The following ERGIC1 variants were observed in gnomAD, a reference collection of about 807,000 sequenced individuals.
ERGIC1 encodes endoplasmic reticulum-golgi intermediate compartment 1, also known as endoplasmic reticulum-Golgi intermediate compartment protein 1.
A neutral mutation model predicts 38.3 loss-of-function variants in ERGIC1; 19 were observed. The observed-to-expected ratio is 0.50, with a 90% CI of 0.35 to 0.73. The LOEUF is 0.73. Among genes scored for constraint, ERGIC1 ranks in the 30% least tolerant of loss-of-function variants. ERGIC1 has a pLI of 0.01. For synonymous variants in ERGIC1, 124 were observed against 157.6 expected, an observed-to-expected ratio of 0.79 and a Z score of 1.60; for missense variants, 294 against 389.2, an observed-to-expected ratio of 0.76 and a Z score of 2.06.
At chr5:172,919,364 T>C (rs981542774) in intron 5 of ERGIC1, among the ~76,000 whole-genome samples, 4 of 152,178 alleles carry the variant, frequency 2.6e-5, no homozygotes, top group Admixed American at 2.6e-4. Context: ...AAAAAATATA[T>C]GTACCCCAGA....
At chr5:172,874,587 A>C (rs1380992608) in intron 1 of ERGIC1, among the ~76,000 whole-genome samples, 1 of 152,150 alleles carries the variant, frequency 6.6e-6, no homozygotes. Context: ...CAGTGAGCAG[A>C]TACACATAAC....
At chr5:172,923,951 T>G in intron 5 of ERGIC1, 54 bp from the exon 6 acceptor site, 1 of 1,525,694 alleles carries the variant, frequency 6.6e-7, no homozygotes, top group South Asian at 1.1e-5. Context: ...GGCCCCAATG[T>G]TCCGCCCCCT....
intron 2 of ERGIC1, among the ~76,000 whole-genome samples, chr5:172,893,896 T>TACACACAC (rs750015522): frequency 0.037 from 1,488 of 40,358 alleles, 75 homozygotes; most frequent in Non-Finnish European, 0.058. Context: ...TATATATATA[T>TACACACAC]ATATATATAT....
At chr5:172,906,562 C>G (rs1763031170) in intron 3 of ERGIC1, among the ~76,000 whole-genome samples, 1 of 152,146 alleles carries the variant, frequency 6.6e-6, no homozygotes, top group Non-Finnish European at 1.5e-5. Flanking sequence ...TTGTGAACAG[C>G]ATCACACCGG....
At chr5:172,888,250 A>C (rs965144353) in intron 1 of ERGIC1, among the ~76,000 whole-genome samples, 3 of 152,122 alleles carry the variant, frequency 2.0e-5, no homozygotes, top group African/African-American at 7.2e-5. Flanking sequence ...GGTTGAGCTT[A>C]GGAGTTCGAG....
chr5:172,873,457 C>T lies in ERGIC1; in HGVS notation c.21-15242C>T, dbSNP rs376878096. ...CCTCTCCAGCCTTGCCCAGCCAGGG[C>T]CTCCAGGTGACACAGCACCACAGTT... On this transcript the variant is annotated intron_variant, in intron 1 of 9. Coordinates refer to ENST00000393784, the MANE Select transcript of ERGIC1 (RefSeq NM_001031711.3). 3.3e-5 allele frequency among the ~76,000 whole-genome samples: 5 copies of T among 152,234 alleles called. No homozygotes were observed. The East Asian group carries it at 5.8e-4, about 18-fold the overall frequency.
chr5:172,939,053 A>C, intron 9 of ERGIC1, among the ~76,000 whole-genome samples: 1 of 151,130 alleles, frequency 6.6e-6, no homozygotes, highest in Non-Finnish European at 1.5e-5. Context: ...ATAGAGTGAG[A>C]CTCCATCTCA....
intron 3 of ERGIC1, among the ~76,000 whole-genome samples, chr5:172,903,119 C>T (rs554975215): frequency 3.3e-5 from 5 of 152,276 alleles, no homozygotes; most frequent in East Asian, 3.9e-4. Flanking sequence ...GCTCCACCAG[C>T]GCGTGCCTTC....
intron 7 of ERGIC1, among the ~76,000 whole-genome samples, chr5:172,928,678 GATCGATGATAA>G (rs1763709461): frequency 1.6e-5 from 1 of 60,786 alleles, no homozygotes; most frequent in African/African-American, 6.3e-5. Context: ...GTAGGTATAT[GATCGATGATAA>G]GAGGCCTGGA....
At chr5:172,938,744 C>G (rs1298867736) in intron 9 of ERGIC1, among the ~76,000 whole-genome samples, 1 of 136,388 alleles carries the variant, frequency 7.3e-6, no homozygotes, top group Non-Finnish European at 1.5e-5. Flanking sequence ...CAGAGCGAGA[C>G]TCTATCTCAA....
At chr5:172,894,889 T>G (rs1403284479) in intron 2 of ERGIC1, among the ~76,000 whole-genome samples, 1 of 152,262 alleles carries the variant, frequency 6.6e-6, no homozygotes, top group East Asian at 1.9e-4. Context: ...CTGTTTGTTT[T>G]GAAGACAGAT....
At chr5:172,887,573 C>G (rs1255250586) in intron 1 of ERGIC1, among the ~76,000 whole-genome samples, 2 of 152,164 alleles carry the variant, frequency 1.3e-5, no homozygotes, top group Non-Finnish European at 2.9e-5. Context: ...AGATTTGAAC[C>G]AGGGTAGTCT....
chr5:172,949,965 C>T (rs891321955), intron 9 of ERGIC1, among the ~76,000 whole-genome samples: 6 of 152,054 alleles, frequency 3.9e-5, no homozygotes, highest in Admixed American at 2.0e-4. Flanking sequence ...CCCAGCTACT[C>T]GGGAGGCTGA....
chr5:172,909,673 C>T lies in ERGIC1; in HGVS notation c.162C>T (p.Asn54=), dbSNP rs142243008. 9.9e-6 allele frequency: 16 copies of T among 1,614,128 alleles called. No homozygotes were observed. The highest frequency in any genetic ancestry group is 5.0e-5 in the Admixed American group (3 of 60,028). Residue 54 remains asparagine (N), a synonymous_variant, in exon 4 of 10, where the codon AAC becomes AAT. Coordinates refer to ENST00000393784, the MANE Select transcript of ERGIC1 (RefSeq NM_001031711.3). ...LTGFITTEVV[N]ELYVDDPDKD... ...ATACTTGTCTTTCCCCTAGTGTGAA[C>T]GAGCTCTATGTCGATGACCCAGACA... is the stretch of plus-strand genomic sequence containing the variant.
chr5:172,896,155 C>T (rs1762716303), intron 2 of ERGIC1, among the ~76,000 whole-genome samples: 1 of 151,978 alleles, frequency 6.6e-6, no homozygotes, highest in African/African-American at 2.4e-5. Flanking sequence ...CCAGCCCGGC[C>T]AACATGGTGA....
rs1764256395 is a variant in ERGIC1 at position 172,952,546 on chromosome 5, C to T, written c.*1730C>T. 6.7e-6 allele frequency: 1 copy of T among 148,550 alleles called. No individual in the cohort carries two copies. The highest frequency in any genetic ancestry group is 2.5e-5 in the African/African-American group (1 of 39,820). 9.2% of individuals were successfully genotyped at this position (148,550 alleles called of 1,614,324 possible). On this transcript the variant is annotated 3_prime_UTR_variant, in exon 10 of 10. Transcript: ENST00000393784. ...AAAAAAAAAAAAACAACTCTGAGGA[C>T]ATAGGGGATGTCAGTTTCCTATGGA...
In ERGIC1 at chr5:172,951,721, A is replaced by G. The variant is rs940715669; in HGVS notation, c.*905A>G. On this transcript the variant is annotated 3_prime_UTR_variant, in exon 10 of 10. Transcript: ENST00000393784. Reference sequence around the variant, plus strand: ...GTCATCTTTTGAGATCCAGATAGACATGGTTTGTGCACTTACGTCCAGATG... The same window carrying G: ...GTCATCTTTTGAGATCCAGATAGACGTGGTTTGTGCACTTACGTCCAGATG... 1 of 152,274 alleles carries G rather than the reference A, an allele frequency of 6.6e-6. No individual in the cohort carries two copies. The highest frequency in any genetic ancestry group is 1.5e-5 in the Non-Finnish European group (1 of 68,102). 9.4% of individuals were successfully genotyped at this position (152,274 alleles called of 1,614,324 possible).
intron 5 of ERGIC1, among the ~76,000 whole-genome samples, chr5:172,921,966 A>T (rs1473030692): frequency 6.6e-6 from 1 of 152,236 alleles, no homozygotes; most frequent in Non-Finnish European, 1.5e-5. Context: ...CCTTCCCTGT[A>T]ACCCCCATGG....
chr5:172,936,266 A>T (rs910296833), intron 9 of ERGIC1: 2 of 152,256 alleles, frequency 1.3e-5, no homozygotes, highest in African/African-American at 4.8e-5. Context: ...CTATCTTCGG[A>T]TCTGCTTTCC....
Sources: gnomAD v4.1 joint callset for allele counts (sites outside exome capture counted in the v4.1 genomes callset) on GRCh38, gnomAD v4.1.1 for gene constraint, MANE v1.5 for transcripts, NCBI Gene and HGNC (gene_info 2026-07-23, HGNC 2026-07-21) for gene names.